CHST8: variants seen among roughly 807,000 people sequenced by gnomAD.
CHST8 encodes the protein GALNAC-4-ST1.
Under a neutral mutation model 15.0 loss-of-function variants are expected in CHST8, and 10 were observed. That is an observed-to-expected ratio of 0.67 (90% confidence interval 0.41 to 1.13). The LOEUF is 1.13. Among genes scored for constraint, CHST8 ranks in the 50% most tolerant of loss-of-function variants. The pLI is 0.00. For missense variants in CHST8, 634 were observed against 608.2 expected, an observed-to-expected ratio of 1.04 and a Z score of -0.45; for synonymous variants, 259 against 256.6, an observed-to-expected ratio of 1.01 and a Z score of -0.09.
At position 33,770,760 on chromosome 19, in the gene CHST8, G is replaced by A. The variant is rs373177335; in HGVS notation, c.131-653G>A. The stretch of plus-strand genomic sequence containing the variant: ...TTACCCTCTACCTGGGCGCTGCTTA[G>A]GGCTTTGGGGGAGACCAGGGCGAGC... On this transcript the variant is annotated intron_variant, in intron 3 of 4. Transcript: ENST00000650847. Among the ~76,000 whole-genome samples, 35 of 152,302 alleles carry A rather than the reference G, an allele frequency of 2.3e-4. 1 individual carries two copies. Among genetic ancestry groups the A allele is most frequent in the African/African-American group, 8.2e-4 (34 of 41,558 alleles).
At chr19:33,622,755 A>G (rs898172341) in intron 1 of CHST8, among the ~76,000 whole-genome samples, 1 of 152,020 alleles carries the variant, frequency 6.6e-6, no homozygotes, top group Non-Finnish European at 1.5e-5. Context: ...GGCAGAGACT[A>G]TGGGGGAAGT....
In CHST8 at chr19:33,773,386, G is replaced by A. The variant is rs1975054352; in HGVS notation, c.*323G>A. Reference sequence around the variant, plus strand: ...AGAGGACGGGGGGCCCAGCGGTAAGGGATGTCCCGCACTCCCTTAGCCATT... The same window carrying A: ...AGAGGACGGGGGGCCCAGCGGTAAGAGATGTCCCGCACTCCCTTAGCCATT... On this transcript the variant is annotated 3_prime_UTR_variant, in exon 5 of 5. Coordinates refer to ENST00000650847, the MANE Select transcript of CHST8 (RefSeq NM_001127895.2). 5.2e-6 allele frequency: 2 copies of A among 388,240 alleles called. No homozygotes were observed. Among genetic ancestry groups the A allele is most frequent in the African/African-American group, 4.0e-5 (2 of 49,650 alleles). 24.0% of individuals were successfully genotyped at this position (388,240 alleles called of 1,614,324 possible).
intron 3 of CHST8, among the ~76,000 whole-genome samples, chr19:33,761,444 C>T (rs1359662331): frequency 6.6e-6 from 1 of 152,004 alleles, no homozygotes; most frequent in Non-Finnish European, 1.5e-5. Context: ...AGGCTCATGC[C>T]CCAGCCTCCT....
chr19:33,683,715 G>A (rs1004343872), intron 2 of CHST8, among the ~76,000 whole-genome samples: 3 of 152,310 alleles, frequency 2.0e-5, no homozygotes, highest in Non-Finnish European at 2.9e-5. Context: ...CCCTGTGCCG[G>A]GGACTGTGCT....
At chr19:33,632,261 T>TC (rs965799122) in intron 1 of CHST8, among the ~76,000 whole-genome samples, 2 of 151,264 alleles carry the variant, frequency 1.3e-5, no homozygotes, top group Admixed American at 1.3e-4. Flanking sequence ...CAGCTCAGCC[T>TC]CCCGAGTAGC....
intron 3 of CHST8, among the ~76,000 whole-genome samples, chr19:33,701,353 A>G (rs1973332990): frequency 6.6e-6 from 1 of 152,202 alleles, no homozygotes. Context: ...TTCCTTTGGT[A>G]CATTAAAATA....
chr19:33,689,505 C>A, intron 3 of CHST8, 114 bp downstream of exon 3: 2 of 1,248,620 alleles, frequency 1.6e-6, no homozygotes, highest in South Asian at 1.7e-5. Flanking sequence ...AAGTCTGTGC[C>A]AAGACCCCCG....
chr19:33,625,427 C>A (rs1219377155), intron 1 of CHST8, among the ~76,000 whole-genome samples: 2 of 152,080 alleles, frequency 1.3e-5, no homozygotes, highest in East Asian at 3.9e-4. Context: ...CCGATAAACA[C>A]CATGTGGAAT....
Position 33,670,256 on chromosome 19 carries a change from T to A in CHST8, c.-87+2413T>A, listed in dbSNP as rs142908415. Among the ~76,000 whole-genome samples the A allele has an allele frequency of 1.2e-4, 19 of 152,310 alleles. No individual in the cohort carries two copies. The East Asian group carries it at 3.3e-3, about 26-fold the overall frequency. Reference sequence around the variant, plus strand: ...TTGCTGTTTTTCTGATTCTGTGAAGTTGAATATCAGTGAATTCAAATTGCA... The same window carrying A: ...TTGCTGTTTTTCTGATTCTGTGAAGATGAATATCAGTGAATTCAAATTGCA... On this transcript the variant is annotated intron_variant, in intron 2 of 4. Transcript: ENST00000650847.
intron 3 of CHST8, among the ~76,000 whole-genome samples, chr19:33,700,084 G>C (rs182970964): frequency 6.6e-6 from 1 of 152,184 alleles, no homozygotes; most frequent in Non-Finnish European, 1.5e-5. Flanking sequence ...GCAGCTGGGC[G>C]TCTAAGCCCA....
intron 3 of CHST8, among the ~76,000 whole-genome samples, chr19:33,743,392 CG>C (rs375685997): frequency 0.021 from 3,231 of 151,624 alleles, 54 homozygotes; most frequent in Non-Finnish European, 0.027. Context: ...CTCCGCCCCC[CG>C]GGGGTTCATG....
At position 33,681,542 on chromosome 19, in the gene CHST8, C is replaced by T. The variant is rs541659199; in HGVS notation, c.-86-7634C>T. 8.5e-5 allele frequency among the ~76,000 whole-genome samples: 13 copies of T among 152,254 alleles called. No individual in the cohort carries two copies. The East Asian group carries it at 1.5e-3, about 18-fold the overall frequency. On this transcript the variant is annotated intron_variant, in intron 2 of 4. Transcript: ENST00000650847. ...ACCCAGTTCCCTGGTGAGGGACAGG[C>T]GGCAGGTGTGGGTGAGGGGTGCCCT...
chr19:33,674,401 A>AG (rs989534460), intron 2 of CHST8, among the ~76,000 whole-genome samples: 1 of 152,110 alleles, frequency 6.6e-6, no homozygotes, highest in Non-Finnish European at 1.5e-5. Context: ...TCAGCTAATG[A>AG]GGGGGTCTGT....
At chr19:33,630,524 C>G (rs888883384) in intron 1 of CHST8, among the ~76,000 whole-genome samples, 14 of 151,578 alleles carry the variant, frequency 9.2e-5, no homozygotes, top group Admixed American at 8.5e-4. Flanking sequence ...GTCAGGCAGT[C>G]TGTCCACACT....
Position 33,772,618 on chromosome 19 carries a change from GCTA to G in CHST8, c.834_836del (p.Tyr279del), listed in dbSNP as rs780789776. On this transcript the variant is annotated inframe_deletion, in exon 5 of 5. Transcript: ENST00000650847. The stretch of plus-strand genomic sequence containing the variant: ...CGCGACAAGTTTGAGCACCCCAACA[GCTA>G]CTATCACCCGGTCTTCGGCAAGGCC... 6 of 1,613,956 alleles carry G rather than the reference GCTA, an allele frequency of 3.7e-6. No individual in the cohort carries two copies. The highest frequency in any genetic ancestry group is 1.3e-5 in the African/African-American group (1 of 74,956).
chr19:33,771,659 T>C (rs955087434), intron 4 of CHST8, among the ~76,000 whole-genome samples: 1 of 152,124 alleles, frequency 6.6e-6, no homozygotes, highest in Non-Finnish European at 1.5e-5. Context: ...ACGGTGCTAA[T>C]AGAGGCCGTA....
At chr19:33,628,367 A>G (rs1381427264) in intron 1 of CHST8, among the ~76,000 whole-genome samples, 3 of 152,202 alleles carry the variant, frequency 2.0e-5, no homozygotes, top group Non-Finnish European at 4.4e-5. Context: ...ACTTTATCCT[A>G]TGAACTGCTG....
chr19:33,725,165 C>A (rs892163506), intron 3 of CHST8, among the ~76,000 whole-genome samples: 27 of 152,044 alleles, frequency 1.8e-4, no homozygotes, highest in African/African-American at 6.5e-4. Flanking sequence ...GGGGACACAA[C>A]CGAGTCTCTA....
chr19:33,650,508 TTTTTCTTTTC>T (rs1203087209), intron 1 of CHST8, among the ~76,000 whole-genome samples: 4 of 94,442 alleles, frequency 4.2e-5, no homozygotes, highest in African/African-American at 2.2e-4. Context: ...TTTCTTTTTC[TTTTTCTTTTC>T]TTTTTTTTTT....
Sources: gnomAD v4.1 joint callset for allele counts (sites outside exome capture counted in the v4.1 genomes callset) on GRCh38, gnomAD v4.1.1 for gene constraint, MANE v1.5 for transcripts, NCBI Gene and HGNC (gene_info 2026-07-23, HGNC 2026-07-21) for gene names.